Variants in DCAF8 observed in about 807,000 individuals in gnomAD.
The protein encoded by DCAF8 is DDB1 and CUL4 associated factor 8.
A neutral mutation model predicts 68.0 loss-of-function variants in DCAF8; 20 were observed. The observed-to-expected ratio is 0.29, with a 90% confidence interval of 0.21 to 0.43. DCAF8 has a LOEUF of 0.43. DCAF8 is among the 20% of genes least tolerant of loss of function. The pLI, the probability that DCAF8 is intolerant of heterozygous loss-of-function variation, is 1.00. For missense variants in DCAF8, 460 were observed against 771.0 expected (o/e 0.60, Z 4.78); for synonymous variants, 230 against 276.9 (o/e 0.83, Z 1.68).
At chr1:160,218,549 G>A in intron 12 of DCAF8, 109 bp from the exon 13 acceptor site, 1 of 892,718 alleles carries the variant, frequency 1.1e-6, no homozygotes, top group South Asian at 1.5e-5. Context: ...AAGTTGAAGT[G>A]GAGCTACATT....
At chr1:160,243,889 T>A in intron 3 of DCAF8, 71 bp downstream of exon 3, 1 of 1,504,734 alleles carries the variant, frequency 6.6e-7, no homozygotes. Context: ...AGGCCTCCAC[T>A]CTATCTTGCA....
At chr1:160,239,213 A>G (rs1039379366) in intron 4 of DCAF8, 1 of 1,093,398 alleles carries the variant, frequency 9.1e-7, no homozygotes, top group African/African-American at 1.7e-5. Context: ...GAATAACAAC[A>G]GTATAAGCTA....
At chr1:160,253,646 T>TCA (rs1656695257) in intron 2 of DCAF8, among the ~76,000 whole-genome samples, 1 of 21,764 alleles carries the variant, frequency 4.6e-5, no homozygotes, top group Admixed American at 9.5e-4. Flanking sequence ...AGACTCCATC[T>TCA]CAAAAAAAAA....
chr1:160,224,110 G>A lies in DCAF8; in HGVS notation c.1309+332C>T, dbSNP rs533763924. Among the ~76,000 whole-genome samples, 24 of 152,254 alleles carry A rather than the reference G, an allele frequency of 1.6e-4. No individual in the cohort carries two copies. The South Asian group carries it at 4.1e-3, about 26-fold the overall frequency. ...GTCACTCCCTATTTTAAGCAATTCAGGACCACTGACTAAAGAGGGCTTTCC... is the reference window on the plus strand; with the variant it reads ...GTCACTCCCTATTTTAAGCAATTCAAGACCACTGACTAAAGAGGGCTTTCC... On this transcript the variant is annotated intron_variant, in intron 10 of 13. Transcript: ENST00000368074.
intron 2 of DCAF8, among the ~76,000 whole-genome samples, chr1:160,244,677 G>A (rs1656249988): frequency 6.6e-6 from 1 of 151,558 alleles, no homozygotes; most frequent in Non-Finnish European, 1.5e-5. Flanking sequence ...GAATGCAGTG[G>A]CGCTATCTAG....
In DCAF8 at chr1:160,238,676, T is replaced by G; in HGVS notation, c.795A>C (p.Ala265=). 1 of 1,613,886 alleles carries G rather than the reference T, an allele frequency of 6.2e-7. No homozygotes were observed. Among genetic ancestry groups the G allele is most frequent in the Admixed American group, 1.7e-5 (1 of 59,974 alleles). Residue 265 remains alanine (A), a synonymous_variant, in exon 5 of 14, where the codon GCA becomes GCC. Transcript: ENST00000368074. ...MCARDGQVRV[A]ELSATQCCKN... ...TGCAACACTGTGTGGCAGACAGTTC[T>G]GCTACTCGAACCTGCCCGTCACGGG...
chr1:160,224,260 T>C (rs74125513), intron 10 of DCAF8, among the ~76,000 whole-genome samples, 182 bp downstream of exon 10: 2,425 of 152,322 alleles, frequency 0.016, 64 homozygotes, highest in African/African-American at 0.049. Context: ...AGAGATGCTC[T>C]TGAGCGCTTT....
intron 13 of DCAF8, 62 bp downstream of exon 13, chr1:160,218,262 G>A: frequency 1.5e-6 from 2 of 1,320,988 alleles, no homozygotes; most frequent in Admixed American, 3.4e-5. Flanking sequence ...CACTACTCTG[G>A]AACTTTTTAG....
At chr1:160,240,487 T>C (rs1325301896) in intron 3 of DCAF8, 117 bp from the exon 4 acceptor site, 2 of 942,362 alleles carry the variant, frequency 2.1e-6, no homozygotes, top group African/African-American at 3.3e-5. Context: ...TTGGTCCAAG[T>C]GTTTTCATTA....
intron 10 of DCAF8, among the ~76,000 whole-genome samples, chr1:160,224,062 C>T (rs1655387535): frequency 6.6e-6 from 1 of 152,328 alleles, no homozygotes; most frequent in South Asian, 2.1e-4. Flanking sequence ...GAATTGTTTA[C>T]TCCTCCTTCC....
intron 12 of DCAF8, 69 bp downstream of exon 12, chr1:160,218,780 C>G: frequency 1.3e-6 from 2 of 1,596,178 alleles, no homozygotes; most frequent in Non-Finnish European, 1.7e-6. Flanking sequence ...TTATTCCTCC[C>G]TATGACAATA....
At chr1:160,255,054 T>A (rs1331476148) in intron 2 of DCAF8, among the ~76,000 whole-genome samples, 1 of 152,212 alleles carries the variant, frequency 6.6e-6, no homozygotes, top group Non-Finnish European at 1.5e-5. Context: ...CTACATTTCC[T>A]AGAAAATCCT....
At chr1:160,239,474 T>G in intron 4 of DCAF8, 1 of 1,451,842 alleles carries the variant, frequency 6.9e-7, no homozygotes, top group Non-Finnish European at 9.0e-7. Context: ...ATAAGCTGCA[T>G]GCACCCTACC....
At position 160,215,944 on chromosome 1, in the gene DCAF8, C is replaced by T. The variant is rs945686710; in HGVS notation, c.*1648G>A. ...GGAATACCATTCTCTCACTCTTTTC[C>T]CCTCCTTCCTGGCCTGATTTAGAAG... On this transcript the variant is annotated 3_prime_UTR_variant, in exon 14 of 14. Transcript: ENST00000368074. The T allele has an allele frequency of 6.6e-6, 1 of 152,042 alleles. No individual in the cohort carries two copies. The highest frequency in any genetic ancestry group is 1.5e-5 in the Non-Finnish European group (1 of 68,028). The allele number at this position is 152,042 out of a possible 1,614,324, so 9.4% of individuals were successfully genotyped here.
At chr1:160,229,028 G>A (rs569212150) in intron 7 of DCAF8, among the ~76,000 whole-genome samples, 1 of 152,242 alleles carries the variant, frequency 6.6e-6, no homozygotes, top group Non-Finnish European at 1.5e-5. Context: ...AGCCAGGCGC[G>A]GTGGCTCACG....
chr1:160,238,549 T>C, intron 5 of DCAF8, 58 bp downstream of exon 5: 2 of 1,512,574 alleles, frequency 1.3e-6, no homozygotes, highest in Admixed American at 2.1e-5. Context: ...GGGAGAACCT[T>C]GGCTGAGAAC....
chr1:160,253,648 A>AAC (rs1491089959), intron 2 of DCAF8, among the ~76,000 whole-genome samples: 2 of 45,598 alleles, frequency 4.4e-5, no homozygotes, highest in Non-Finnish European at 8.5e-5. Context: ...ACTCCATCTC[A>AAC]AAAAAAAAAA....
intron 2 of DCAF8, among the ~76,000 whole-genome samples, chr1:160,254,209 C>T (rs150713396): frequency 0.016 from 2,411 of 152,064 alleles, 63 homozygotes; most frequent in African/African-American, 0.049. Context: ...GTAATCCCAG[C>T]TACTGGGGAG....
chr1:160,245,801 T>C (rs1225723071), intron 2 of DCAF8, among the ~76,000 whole-genome samples: 7 of 152,242 alleles, frequency 4.6e-5, no homozygotes, highest in African/African-American at 1.7e-4. Flanking sequence ...TTCTTTAGAA[T>C]AGGAGCCTAT....
Sources: allele counts gnomAD v4.1 joint callset (sites outside exome capture counted in the v4.1 genomes callset), GRCh38; gene constraint gnomAD v4.1.1; transcripts MANE v1.5; gene names NCBI Gene and HGNC (gene_info 2026-07-23, HGNC 2026-07-21).